The following NLRP5 variants were observed in gnomAD, a reference collection of about 807,000 sequenced individuals.
NLRP5 encodes NLR family pyrin domain containing 5, also known as NACHT, LRR and PYD domains-containing protein 5.
A neutral mutation model predicts 113.1 loss-of-function variants in NLRP5; 93 were observed. That is an observed-to-expected ratio of 0.82 (90% CI 0.70 to 0.98). NLRP5 has a LOEUF of 0.98. Among genes scored for constraint, NLRP5 ranks in the 50% least tolerant of loss-of-function variants. The probability of loss-of-function intolerance (pLI) is 0.00; values close to 1 mark genes in which losing one functional copy is unlikely to be tolerated. For synonymous variants in NLRP5, 751 were observed against 600.7 expected (o/e 1.25, Z -3.66); for missense variants, 1,808 against 1,514.3 (o/e 1.19, Z -3.22).
At chr19:56,047,889 T>C (rs1983786430) in intron 11 of NLRP5, among the ~76,000 whole-genome samples, 1 of 152,216 alleles carries the variant, frequency 6.6e-6, no homozygotes, top group Non-Finnish European at 1.5e-5. Flanking sequence ...AATTGTTTTA[T>C]GAATTTAGGA....
intron 6 of NLRP5, among the ~76,000 whole-genome samples, chr19:56,025,570 T>TA (rs1333038468): frequency 3.1e-5 from 1 of 32,658 alleles, no homozygotes; most frequent in South Asian, 8.8e-4. Context: ...CATGTCTGGC[T>TA]AACTTTTTTT....
intron 3 of NLRP5, among the ~76,000 whole-genome samples, chr19:56,013,595 G>GTTTTTTTTTTTTTTTTTTTTTTT (rs1418924718): frequency 3.2e-5 from 1 of 30,986 alleles, no homozygotes; most frequent in Non-Finnish European, 5.7e-5. Flanking sequence ...TGGACATTTG[G>GTTTTTTTTTTTTTTTTTTTTTTT]GTTTTTTTTT....
intron 3 of NLRP5, among the ~76,000 whole-genome samples, chr19:56,012,532 A>G (rs191666225): frequency 2.0e-5 from 3 of 149,800 alleles, no homozygotes; most frequent in Admixed American, 6.7e-5. Context: ...ATTTATAAAC[A>G]TGAACCTATT....
chr19:56,050,112 T>C lies in NLRP5; in HGVS notation c.2958-306T>C, dbSNP rs148824458. The stretch of plus-strand genomic sequence containing the variant: ...CTGGTCAACATCGTAAAACCCCATC[T>C]CTACTAAAAATACAAAAATTAGCCA... On this transcript the variant is annotated intron_variant, in intron 11 of 14. Transcript: ENST00000390649. Among the ~76,000 whole-genome samples the C allele has an allele frequency of 7.6e-3, 1,153 of 151,922 alleles. 13 individuals carry two copies. Among genetic ancestry groups the C allele is most frequent in the South Asian group, 0.015 (72 of 4,818 alleles).
At chr19:56,000,607 G>T (rs889560638) in intron 1 of NLRP5, among the ~76,000 whole-genome samples, 1 of 151,664 alleles carries the variant, frequency 6.6e-6, no homozygotes, top group Non-Finnish European at 1.5e-5. Context: ...CTCATGATCC[G>T]CCCACTTTGG....
intron 13 of NLRP5, 132 bp downstream of exon 13, chr19:56,053,940 C>G (rs1266034340): frequency 4.0e-6 from 3 of 745,970 alleles, no homozygotes; most frequent in Non-Finnish European, 6.7e-6. Context: ...GTGCAACCTT[C>G]GCAGCACCAC....
chr19:56,029,958 G>A (rs1162228053), intron 7 of NLRP5, among the ~76,000 whole-genome samples: 1 of 151,556 alleles, frequency 6.6e-6, no homozygotes, highest in Non-Finnish European at 1.5e-5. Flanking sequence ...AGGACGTTGA[G>A]GCAGGAGAAT....
intron 3 of NLRP5, among the ~76,000 whole-genome samples, chr19:56,010,656 G>A (rs1982146450): frequency 6.7e-6 from 1 of 148,312 alleles, no homozygotes; most frequent in African/African-American, 2.5e-5. Context: ...AAGAGGCTGA[G>A]GCAGGAGAAT....
chr19:56,030,769 C>CAG, intron 7 of NLRP5, among the ~76,000 whole-genome samples: 1 of 122,256 alleles, frequency 8.2e-6, no homozygotes, highest in South Asian at 2.8e-4. Context: ...GGCTGGAGTG[C>CAG]AGTGGTGCGA....
intron 13 of NLRP5, among the ~76,000 whole-genome samples, chr19:56,056,012 A>G (rs1168752945): frequency 6.6e-6 from 1 of 152,158 alleles, no homozygotes; most frequent in Non-Finnish European, 1.5e-5. Flanking sequence ...TGTTGTGTGC[A>G]GTCAGGGATC....
intron 10 of NLRP5, among the ~76,000 whole-genome samples, chr19:56,038,932 T>G (rs1983419344): frequency 6.6e-6 from 1 of 152,184 alleles, no homozygotes; most frequent in African/African-American, 2.4e-5. Flanking sequence ...CGTCTTGGCC[T>G]CCTGAAGTTC....
At chr19:56,013,171 C>G (rs1459843609) in intron 3 of NLRP5, among the ~76,000 whole-genome samples, 1 of 152,028 alleles carries the variant, frequency 6.6e-6, no homozygotes, top group African/African-American at 2.4e-5. Context: ...GACTGGCTTT[C>G]TTCATTTAAC....
intron 12 of NLRP5, among the ~76,000 whole-genome samples, chr19:56,051,492 C>T (rs540134321): frequency 6.6e-6 from 1 of 152,200 alleles, no homozygotes; most frequent in Non-Finnish European, 1.5e-5. Flanking sequence ...TGCACCCCGC[C>T]AAGCACTTAA....
intron 12 of NLRP5, among the ~76,000 whole-genome samples, chr19:56,051,011 A>G (rs1692968910): frequency 6.6e-6 from 1 of 152,214 alleles, no homozygotes; most frequent in South Asian, 2.1e-4. Flanking sequence ...TAGAAAAAGT[A>G]AAAGAGCTCA....
intron 1 of NLRP5, among the ~76,000 whole-genome samples, chr19:56,001,449 C>G (rs1391777295): frequency 5.8e-5 from 2 of 34,210 alleles, no homozygotes; most frequent in Non-Finnish European, 6.3e-5. Flanking sequence ...CTCCTAATTA[C>G]TTGAAATTTT....
rs1223390338 is a variant in NLRP5 at position 56,028,006 on chromosome 19, T to C, written c.1773T>C (p.Cys591=). The stretch of plus-strand genomic sequence containing the variant: ...TCCACCTCAGTCTCCAGGACTTCTG[T>C]GCCGCCTTGTACTACGTGTTAGAGG... Residue 591 remains cysteine (C), a synonymous_variant, in exon 7 of 15, where the codon TGT becomes TGC. Coordinates refer to ENST00000390649, the MANE Select transcript of NLRP5 (RefSeq NM_153447.4). The C allele has an allele frequency of 6.2e-7, 1 of 1,614,002 alleles. No individual in the cohort carries two copies. Among genetic ancestry groups the C allele is most frequent in the South Asian group, 1.1e-5 (1 of 91,084 alleles).
intron 14 of NLRP5, among the ~76,000 whole-genome samples, chr19:56,061,049 G>A (rs539790354): frequency 6.6e-6 from 1 of 152,186 alleles, no homozygotes; most frequent in African/African-American, 2.4e-5. Flanking sequence ...TGGGTTGCAT[G>A]TGCCAATTTA....
chr19:56,007,883 G>A, intron 2 of NLRP5, among the ~76,000 whole-genome samples: 1 of 106,246 alleles, frequency 9.4e-6, no homozygotes, highest in Middle Eastern at 4.0e-3. Flanking sequence ...GTGTGTGTGT[G>A]TGTGTGCGCG....
chr19:55,988,992 C>G, the NLRP5 span, among the ~76,000 whole-genome samples: 1 of 152,070 alleles, frequency 6.6e-6, no homozygotes, highest in African/African-American at 2.4e-5. Context: ...AAGTATTTTT[C>G]CATTTACCAA....
Sources: allele counts gnomAD v4.1 joint callset (sites outside exome capture counted in the v4.1 genomes callset), GRCh38; gene constraint gnomAD v4.1.1; transcripts MANE v1.5; gene names NCBI Gene and HGNC (gene_info 2026-07-23, HGNC 2026-07-21).